The following LY6S variants were observed in gnomAD, a reference collection of about 807,000 sequenced individuals.
The protein encoded by LY6S is lymphocyte antigen 6 family member S, also known as lymphocyte antigen 6S.
the LY6S span, among the ~76,000 whole-genome samples, chr8:143,069,203 C>T: frequency 6.6e-6 from 1 of 152,198 alleles, no homozygotes; most frequent in African/African-American, 2.4e-5. Flanking sequence ...TAGAAAGAGA[C>T]AAGGCTGCGG....
chr8:143,044,819 T>C, the LY6S span: 22 of 1,365,078 alleles, frequency 1.6e-5, no homozygotes, highest in Non-Finnish European at 1.7e-5. Flanking sequence ...GAGGGCAAGG[T>C]GGGTGACTGC....
At chr8:143,057,013 C>T in the LY6S span, 1 of 241,612 alleles carries the variant, frequency 4.1e-6, no homozygotes. Flanking sequence ...AATGCAGGGA[C>T]TAGGAGGTTT....
chr8:143,056,808 G>A, the LY6S span, among the ~76,000 whole-genome samples: 1 of 152,276 alleles, frequency 6.6e-6, no homozygotes, highest in African/African-American at 2.4e-5. Flanking sequence ...TTTAACAGAT[G>A]TTTTAAAAGT....
At chr8:143,048,337 G>A in the LY6S span, among the ~76,000 whole-genome samples, 5 of 152,154 alleles carry the variant, frequency 3.3e-5, no homozygotes, top group Admixed American at 6.5e-5. Context: ...GGGCTGTTTC[G>A]CTGCTTGGTT....
chr8:143,043,235 A>G, the LY6S span: 2 of 1,366,760 alleles, frequency 1.5e-6, no homozygotes, highest in Non-Finnish European at 2.0e-6. Context: ...CCTTGCAGCA[A>G]GAGATCTGGG....
chr8:143,074,249 G>T, the LY6S span, among the ~76,000 whole-genome samples: 1 of 112,252 alleles, frequency 8.9e-6, no homozygotes, highest in Non-Finnish European at 2.2e-5. Flanking sequence ...CCTTCTCCTG[G>T]GATTCCAATA....
chr8:143,067,646 C>A, the LY6S span, among the ~76,000 whole-genome samples: 1 of 152,198 alleles, frequency 6.6e-6, no homozygotes, highest in South Asian at 2.1e-4. Context: ...ATTTATTGAT[C>A]ACTATTTTTA....
At chr8:143,044,339 C>A in the LY6S span, 1 of 426,890 alleles carries the variant, frequency 2.3e-6, no homozygotes, top group Non-Finnish European at 4.7e-6. Context: ...TTGGTGTGGG[C>A]CCTGCTGCTG....
the LY6S span, chr8:143,043,080 G>A: frequency 1.5e-6 from 2 of 1,367,712 alleles, no homozygotes; most frequent in East Asian, 4.6e-5. Flanking sequence ...GACGCACAGG[G>A]ACAGAGGGTA....
At chr8:143,060,102 T>C in the LY6S span, among the ~76,000 whole-genome samples, 2 of 152,150 alleles carry the variant, frequency 1.3e-5, no homozygotes, top group African/African-American at 4.8e-5. Context: ...AGGGACATGG[T>C]GAGAAGTGAC....
At chr8:143,049,571 AGGGAAGGGACTCCAGGC>A in the LY6S span, among the ~76,000 whole-genome samples, 5 of 152,222 alleles carry the variant, frequency 3.3e-5, no homozygotes, top group African/African-American at 1.2e-4. Flanking sequence ...CTTTTATTAA[AGGGAAGGGACTCCAGGC>A]CCCATGGCCC....
chr8:143,053,735 C>T, the LY6S span: 1 of 152,214 alleles, frequency 6.6e-6, no homozygotes, highest in Non-Finnish European at 1.5e-5. Flanking sequence ...GCCAGTTCTA[C>T]CACTTTTGCA....
chr8:143,050,186 T>G, the LY6S span, among the ~76,000 whole-genome samples: 79 of 149,992 alleles, frequency 5.3e-4, no homozygotes, highest in African/African-American at 1.9e-3. Context: ...CTTTTTTTTT[T>G]TTTTTTTTTT....
At chr8:143,051,242 C>T in the LY6S span, among the ~76,000 whole-genome samples, 1 of 152,124 alleles carries the variant, frequency 6.6e-6, no homozygotes, top group South Asian at 2.1e-4. Context: ...GACGTAAATC[C>T]ATCTTAACTA....
the LY6S span, among the ~76,000 whole-genome samples, chr8:143,072,175 C>T: frequency 1.3e-5 from 2 of 150,868 alleles, no homozygotes; most frequent in African/African-American, 2.4e-5. Flanking sequence ...TTCTGGCTTC[C>T]GAAGTTCCTG....
the LY6S span, among the ~76,000 whole-genome samples, chr8:143,049,535 G>GC: frequency 6.6e-6 from 1 of 152,138 alleles, no homozygotes; most frequent in African/African-American, 2.4e-5. Flanking sequence ...AAGCCAGAAA[G>GC]CCCCCCAGAC....
At chr8:143,053,500 G>C in the LY6S span, 1 of 152,154 alleles carries the variant, frequency 6.6e-6, no homozygotes. Context: ...GCCCGTGGAA[G>C]ACTCTGGCCT....
At chr8:143,074,221 C>T in the LY6S span, among the ~76,000 whole-genome samples, 1 of 151,570 alleles carries the variant, frequency 6.6e-6, no homozygotes, top group Admixed American at 6.6e-5. Flanking sequence ...AATAATATTG[C>T]TCCTATCCCA....
the LY6S span, chr8:143,053,335 CT>C: frequency 6.6e-6 from 1 of 152,306 alleles, no homozygotes; most frequent in South Asian, 2.1e-4. Context: ...TAACATCTTC[CT>C]TTTCTTGGTG....
Sources: gnomAD v4.1 joint callset for allele counts (sites outside exome capture counted in the v4.1 genomes callset) on GRCh38, gnomAD v4.1.1 for gene constraint, MANE v1.5 for transcripts, NCBI Gene and HGNC (gene_info 2026-07-23, HGNC 2026-07-21) for gene names.